DNAH6: variants seen among roughly 807,000 people sequenced by gnomAD.
DNAH6 encodes the protein axonemal beta dynein heavy chain 6.
A neutral mutation model predicts 491.4 loss-of-function variants in DNAH6; 340 were observed. The ratio of observed to expected loss-of-function variants is 0.69; its 90% CI spans 0.63 to 0.76. The LOEUF is 0.76. DNAH6 is among the 30% of genes least tolerant of loss of function. The pLI, the probability that DNAH6 is intolerant of heterozygous loss-of-function variation, is 0.00. For missense variants in DNAH6, 4,443 were observed against 4,972.2 expected, an observed-to-expected ratio of 0.89 and a Z score of 3.20; for synonymous variants, 1,603 against 1,686.1, an observed-to-expected ratio of 0.95 and a Z score of 1.21.
At chr2:84,812,657 C>A (rs1680102478) in intron 73 of DNAH6, 131 bp downstream of exon 73, 4 of 787,622 alleles carry the variant, frequency 5.1e-6, no homozygotes, top group South Asian at 1.9e-5. Flanking sequence ...AAGAGATGTC[C>A]AGAATGGCAT....
At position 84,653,974 on chromosome 2, in the gene DNAH6, G is replaced by A. The variant is rs1346221448; in HGVS notation, c.5634+100G>A. Reference sequence around the variant, plus strand: ...TGATGTAGCCTTTACTATCTATAATGTCTATTATTGTGTTCTGTTTACTTA... The same window carrying A: ...TGATGTAGCCTTTACTATCTATAATATCTATTATTGTGTTCTGTTTACTTA... On this transcript the variant is annotated intron_variant, in intron 34 of 76. Transcript: ENST00000389394. 1.9e-5 allele frequency: 18 copies of A among 923,626 alleles called. No homozygotes were observed. In the Middle Eastern group the frequency reaches 7.9e-4, roughly 40 times the overall value. 57.2% of individuals were successfully genotyped at this position (923,626 alleles called of 1,614,324 possible).
chr2:84,572,168 GA>G (rs2103936944), intron 11 of DNAH6, among the ~76,000 whole-genome samples: 1 of 152,226 alleles, frequency 6.6e-6, no homozygotes, highest in South Asian at 2.1e-4. Flanking sequence ...AGTAACCCCT[GA>G]AATATTTAGG....
chr2:84,700,788 A>G (rs34110607), intron 48 of DNAH6, among the ~76,000 whole-genome samples: 21,308 of 152,204 alleles, frequency 0.14, 2,253 homozygotes, highest in African/African-American at 0.3. Context: ...TCCCTGTAAC[A>G]TATATGATTT....
rs929876856 is a variant in DNAH6 at position 84,606,295 on chromosome 2, G to T, written c.3175-681G>T. Among the ~76,000 whole-genome samples the T allele has an allele frequency of 2.0e-5, 3 of 152,146 alleles. 1 individual carries two copies. Among genetic ancestry groups the T allele is most frequent in the Admixed American group, 2.0e-4 (3 of 15,274 alleles). On this transcript the variant is annotated intron_variant, in intron 20 of 76. Coordinates refer to ENST00000389394, the MANE Select transcript of DNAH6 (RefSeq NM_001370.2). The stretch of plus-strand genomic sequence containing the variant: ...AGAGAAAGACCAGACATCACTCTGC[G>T]CAGGGGATGGGAGAGCAGACTCAAA...
At position 84,805,726 on chromosome 2, in the gene DNAH6, G is replaced by A; in HGVS notation, c.11543G>A (p.Gly3848Asp). Residue 3848 changes from glycine to aspartate, a missense_variant, in exon 71 of 77, where the codon GGT (glycine) becomes GAT (aspartate). By Grantham distance (94) the Gly-to-Asp change is moderately conservative. This residue lies in a region of DNAH6 where 1,463 missense variants were observed against 1,656.6 expected (regional missense o/e 0.88). Transcript: ENST00000389394. ...ILEVQPRSSTGGEGKSNDEIV... is the reference protein window; with the variant it reads ...ILEVQPRSSTDGEGKSNDEIV... ...GAGGTTCAGCCAAGGTCATCTACTG[G>A]TGGAGAGGGAAAAAGCAATGACGAA... 6.4e-7 allele frequency: 1 copy of A among 1,551,740 alleles called. No individual in the cohort carries two copies. The highest frequency in any genetic ancestry group is 8.7e-7 in the Non-Finnish European group (1 of 1,146,956).
At chr2:84,693,172 C>T (rs1195129122) in intron 45 of DNAH6, among the ~76,000 whole-genome samples, 2 of 152,120 alleles carry the variant, frequency 1.3e-5, no homozygotes, top group African/African-American at 4.8e-5. Flanking sequence ...TCTGGGATGC[C>T]ATTTGTTTCT....
intron 52 of DNAH6, 48 bp downstream of exon 52, chr2:84,705,795 G>A (rs750850590): frequency 6.9e-5 from 104 of 1,504,334 alleles, no homozygotes; most frequent in East Asian, 2.2e-4. Flanking sequence ...GGCCATGATC[G>A]CCAGTCATTT....
intron 64 of DNAH6, among the ~76,000 whole-genome samples, chr2:84,772,262 C>A (rs1184723075): frequency 6.6e-6 from 1 of 151,854 alleles, no homozygotes; most frequent in Non-Finnish European, 1.5e-5. Flanking sequence ...ATCTAACTAA[C>A]AAAAAGAAGG....
chr2:84,799,943 C>G (rs188039001), intron 70 of DNAH6, among the ~76,000 whole-genome samples: 1 of 152,284 alleles, frequency 6.6e-6, no homozygotes, highest in East Asian at 1.9e-4. Flanking sequence ...TTGGACCCAC[C>G]CTGCTGAAAG....
chr2:84,654,205 G>A (rs1162177614), intron 34 of DNAH6, among the ~76,000 whole-genome samples: 1 of 152,090 alleles, frequency 6.6e-6, no homozygotes, highest in Admixed American at 6.6e-5. Context: ...CATTTAATAA[G>A]AATAAATTAT....
chr2:84,468,568 G>C, the DNAH6 span, among the ~76,000 whole-genome samples: 2 of 152,250 alleles, frequency 1.3e-5, no homozygotes, highest in East Asian at 3.9e-4. Flanking sequence ...GGTGCTTAGA[G>C]AAAAGAAAAT....
intron 61 of DNAH6, among the ~76,000 whole-genome samples, chr2:84,729,318 ACTTAACAG>A (rs1210561888): frequency 6.6e-6 from 1 of 152,166 alleles, no homozygotes; most frequent in Non-Finnish European, 1.5e-5. Flanking sequence ...CTGATAACAC[ACTTAACAG>A]GACCTGGAAC....
chr2:84,545,894 C>T (rs1678734802), intron 5 of DNAH6, among the ~76,000 whole-genome samples: 1 of 151,918 alleles, frequency 6.6e-6, no homozygotes, highest in Non-Finnish European at 1.5e-5. Context: ...TATGTCATTC[C>T]CTTATAACAG....
the DNAH6 span, among the ~76,000 whole-genome samples, chr2:84,460,274 ATTGTCATTAACAGGTTGGACT>A: frequency 6.6e-6 from 1 of 152,306 alleles, no homozygotes; most frequent in East Asian, 1.9e-4. Context: ...TGATCCAAAT[ATTGTCATTAACAGGTTGGACT>A]TCACTGCAAA....
chr2:84,558,161 C>G, intron 11 of DNAH6, among the ~76,000 whole-genome samples: 1 of 152,118 alleles, frequency 6.6e-6, no homozygotes, highest in East Asian at 1.9e-4. Context: ...GGCACAGTGG[C>G]TCACACCTGT....
intron 11 of DNAH6, among the ~76,000 whole-genome samples, chr2:84,569,139 T>A (rs911264714): frequency 6.6e-6 from 1 of 152,168 alleles, no homozygotes; most frequent in Non-Finnish European, 1.5e-5. Context: ...TAGCCATGTA[T>A]AGAAAAATTA....
intron 53 of DNAH6, 140 bp from the exon 54 acceptor site, chr2:84,707,380 G>C (rs1022384220): frequency 1.2e-6 from 1 of 865,460 alleles, no homozygotes; most frequent in Non-Finnish European, 1.7e-6. Context: ...ATGCTGAATT[G>C]GTGTAAGGTT....
chr2:84,767,348 A>C (rs1157604615), intron 64 of DNAH6, among the ~76,000 whole-genome samples: 1 of 151,958 alleles, frequency 6.6e-6, no homozygotes, highest in Non-Finnish European at 1.5e-5. Flanking sequence ...ACTGGACAAC[A>C]TAGTGAGACC....
chr2:84,511,206 T>C, the DNAH6 span, among the ~76,000 whole-genome samples: 1 of 152,336 alleles, frequency 6.6e-6, no homozygotes, highest in Non-Finnish European at 1.5e-5. Flanking sequence ...CTCCTTGAAC[T>C]GCGGTGGGCT....
Sources: gnomAD v4.1 joint callset for allele counts (sites outside exome capture counted in the v4.1 genomes callset) on GRCh38, gnomAD v4.1.1 for gene constraint, gnomAD v4.1.1 regional missense constraint, MANE v1.5 for transcripts, NCBI Gene and HGNC (gene_info 2026-07-23, HGNC 2026-07-21) for gene names.